Variants in GNG7 observed in about 807,000 individuals in gnomAD.
GNG7 encodes G protein subunit gamma 7.
Under a neutral mutation model 4.0 loss-of-function variants are expected in GNG7, and 1 was observed. The ratio of observed to expected loss-of-function variants is 0.25; its 90% CI spans 0.09 to 1.18. GNG7 has a LOEUF of 1.18. Ranked by LOEUF, GNG7 falls within the 50% of genes most tolerant of loss-of-function variation. The probability of loss-of-function intolerance (pLI) is 0.50; values close to 1 mark genes in which losing one functional copy is unlikely to be tolerated. For synonymous variants in GNG7, 34 were observed against 36.9 expected (o/e 0.92, Z 0.29); for missense variants, 86 against 91.9 (o/e 0.94, Z 0.26).
chr19:2,553,476 T>C (rs1979407729), intron 3 of GNG7, among the ~76,000 whole-genome samples: 1 of 147,134 alleles, frequency 6.8e-6, no homozygotes, highest in Admixed American at 6.9e-5. Flanking sequence ...ATATATTATA[T>C]ACTATATATT....
rs2144829431 is a variant in GNG7, at chr19:2,618,119, T to C, written c.-78+28105A>G. On this transcript the variant is annotated intron_variant, in intron 2 of 4. Transcript: ENST00000382159. This position sits in a 1 kb window ranked among gnomAD's most constrained non-coding sequence, Gnocchi z 5.1. ...GGACTTGATTCCACCTGTATCAGGCTGGGCCCCCAGCACCTAGGCTGTCCC... is the reference window on the plus strand; with the variant it reads ...GGACTTGATTCCACCTGTATCAGGCCGGGCCCCCAGCACCTAGGCTGTCCC... 6.6e-6 allele frequency among the ~76,000 whole-genome samples: 1 copy of C among 152,312 alleles called. No homozygotes were observed. The highest frequency in any genetic ancestry group is 3.4e-3 in the Middle Eastern group (1 of 294).
intron 2 of GNG7, among the ~76,000 whole-genome samples, chr19:2,586,076 G>T (rs527978590): frequency 6.6e-6 from 1 of 152,280 alleles, no homozygotes; most frequent in East Asian, 1.9e-4. Flanking sequence ...TCAGCAACAA[G>T]CCAGTGTTAC....
At chr19:2,602,721 C>T (rs1040244969) in intron 2 of GNG7, among the ~76,000 whole-genome samples, 4 of 152,308 alleles carry the variant, frequency 2.6e-5, no homozygotes, top group South Asian at 4.1e-4. Context: ...AAGCCAATCT[C>T]GGGCTGGGCA....
At chr19:2,525,745 C>T (rs1978370861) in intron 3 of GNG7, among the ~76,000 whole-genome samples, 1 of 152,142 alleles carries the variant, frequency 6.6e-6, no homozygotes, top group Non-Finnish European at 1.5e-5. Context: ...TAAAAATCTA[C>T]ATATAGAAAG....
At position 2,626,384 on chromosome 19, in the gene GNG7, A is replaced by G. The variant is rs948006295; in HGVS notation, c.-78+19840T>C. On this transcript the variant is annotated intron_variant, in intron 2 of 4. Coordinates refer to ENST00000382159, the MANE Select transcript of GNG7 (RefSeq NM_052847.3). The surrounding 1 kb of genome is among the most constrained non-coding windows in gnomAD (Gnocchi z 5.0). ...CTAATCTGTCACACAGGGAGGCTGG[A>G]CCCAAACCAATTGATTGTTGTCATG... 6.6e-6 allele frequency among the ~76,000 whole-genome samples: 1 copy of G among 152,028 alleles called. No individual in the cohort carries two copies. The highest frequency in any genetic ancestry group is 2.4e-5 in the African/African-American group (1 of 41,378).
chr19:2,651,240 CTTCCT>C lies in GNG7; in HGVS notation c.-134-4965_-134-4961del, dbSNP rs1311673190. On this transcript the variant is annotated intron_variant, in intron 1 of 4. Transcript: ENST00000382159. Reference sequence around the variant, plus strand: ...TCTGTCCGACTTCCTTCCTTCCTTCCTTCCTTTCCTTCCTTCCTTCCTTCCTTCCT... The same window carrying C: ...TCTGTCCGACTTCCTTCCTTCCTTCCTTCCTTCCTTCCTTCCTTCCTTCCT... Among the ~76,000 whole-genome samples the C allele has an allele frequency of 5.2e-4, 48 of 91,928 alleles. 1 individual carries two copies. The highest frequency in any genetic ancestry group is 8.2e-4 in the African/African-American group (27 of 32,806). 60.3% of individuals were successfully genotyped at this position (91,928 alleles called of 152,430 possible).
chr19:2,618,745 T>C lies in GNG7; in HGVS notation c.-78+27479A>G, dbSNP rs1047044958. Among the ~76,000 whole-genome samples, 1 of 152,144 alleles carries C rather than the reference T, an allele frequency of 6.6e-6. No individual in the cohort carries two copies. Among genetic ancestry groups the C allele is most frequent in the Non-Finnish European group, 1.5e-5 (1 of 68,028 alleles). On this transcript the variant is annotated intron_variant, in intron 2 of 4. Coordinates refer to ENST00000382159, the MANE Select transcript of GNG7 (RefSeq NM_052847.3). This position sits in a 1 kb window ranked among gnomAD's most constrained non-coding sequence, Gnocchi z 5.1. ...GAGTCCCCGCCCACGCCTCACCAGCTTCCTCTTCAGGGGCCACCCTGTGTA... is the reference window on the plus strand; with the variant it reads ...GAGTCCCCGCCCACGCCTCACCAGCCTCCTCTTCAGGGGCCACCCTGTGTA...
intron 1 of GNG7, among the ~76,000 whole-genome samples, chr19:2,657,101 A>C (rs1285529223): frequency 6.6e-6 from 1 of 151,582 alleles, no homozygotes; most frequent in East Asian, 1.9e-4. Context: ...TGGGAGGTCT[A>C]GGAGGACAGA....
intron 3 of GNG7, among the ~76,000 whole-genome samples, chr19:2,541,752 A>C (rs1357580534): frequency 6.6e-6 from 1 of 151,668 alleles, no homozygotes; most frequent in Non-Finnish European, 1.5e-5. Context: ...AAAAAAAAAA[A>C]AAAATTAAAA....
chr19:2,572,780 A>G (rs762475416), intron 2 of GNG7, among the ~76,000 whole-genome samples: 1 of 151,148 alleles, frequency 6.6e-6, no homozygotes, highest in Non-Finnish European at 1.5e-5. Flanking sequence ...CTTTTCTTCT[A>G]GAGATGGGGT....
chr19:2,518,781 G>T (rs1280793225), intron 4 of GNG7, among the ~76,000 whole-genome samples: 1 of 152,010 alleles, frequency 6.6e-6, no homozygotes, highest in Non-Finnish European at 1.5e-5. Context: ...CCAGGGTTTG[G>T]TTAAATGTTT....
At position 2,633,414 on chromosome 19, in the gene GNG7, G is replaced by A. The variant is rs887653898; in HGVS notation, c.-78+12810C>T. On this transcript the variant is annotated intron_variant, in intron 2 of 4. Coordinates refer to ENST00000382159, the MANE Select transcript of GNG7 (RefSeq NM_052847.3). The surrounding 1 kb of genome is among the most constrained non-coding windows in gnomAD (Gnocchi z 5.9). The stretch of plus-strand genomic sequence containing the variant: ...GATGAATCTGCCGATGACCAAGTTG[G>A]TGCCTCATCCCTCGTTCTGTGGGAG... Among the ~76,000 whole-genome samples the A allele has an allele frequency of 1.3e-5, 2 of 152,060 alleles. No homozygotes were observed. Among genetic ancestry groups the A allele is most frequent in the Non-Finnish European group, 2.9e-5 (2 of 67,998 alleles).
chr19:2,564,181 C>T (rs1253764988), intron 2 of GNG7, among the ~76,000 whole-genome samples: 1 of 152,148 alleles, frequency 6.6e-6, no homozygotes, highest in East Asian at 1.9e-4. Context: ...GTAACCTTCT[C>T]AGAGATGGGG....
At chr19:2,689,916 A>G (rs1003267550) in intron 1 of GNG7, among the ~76,000 whole-genome samples, 1 of 152,170 alleles carries the variant, frequency 6.6e-6, no homozygotes, top group Non-Finnish European at 1.5e-5. Context: ...ACTTAACTAC[A>G]CCATGGTAGC....
At chr19:2,659,071 G>A (rs538232958) in intron 1 of GNG7, among the ~76,000 whole-genome samples, 1 of 151,742 alleles carries the variant, frequency 6.6e-6, no homozygotes, top group East Asian at 2.0e-4. Flanking sequence ...CCGGGTTCAT[G>A]CCATTCTCCT....
At position 2,512,212 on chromosome 19, in the gene GNG7, C is replaced by G. The variant is rs1211544028; in HGVS notation, c.*2810G>C. The G allele has an allele frequency of 7.1e-6, 7 of 985,742 alleles. No homozygotes were observed. The South Asian group carries it at 1.4e-4, about 20-fold the overall frequency. 61.1% of individuals were successfully genotyped at this position (985,742 alleles called of 1,614,324 possible). On this transcript the variant is annotated 3_prime_UTR_variant, in exon 5 of 5. Transcript: ENST00000382159. This position sits in a 1 kb window ranked among gnomAD's most constrained non-coding sequence, Gnocchi z 4.7. ...CCAGCTCCCCGTCTGGAGGTGCACG[C>G]GCGCTCCTGGAAACGCCCATAAAAC...
intron 2 of GNG7, among the ~76,000 whole-genome samples, chr19:2,595,699 C>T (rs951935734): frequency 2.0e-5 from 3 of 148,828 alleles, no homozygotes; most frequent in African/African-American, 7.4e-5. Flanking sequence ...CGCACCACTG[C>T]ACTCCAGCCT....
At chr19:2,687,047 T>C (rs1044338843) in intron 1 of GNG7, among the ~76,000 whole-genome samples, 7 of 148,528 alleles carry the variant, frequency 4.7e-5, no homozygotes, top group South Asian at 2.1e-4. Context: ...CCACCGCGCC[T>C]GGCCACTTTT....
At chr19:2,516,565 C>T (rs933382483) in intron 4 of GNG7, among the ~76,000 whole-genome samples, 3 of 152,238 alleles carry the variant, frequency 2.0e-5, no homozygotes, top group Non-Finnish European at 2.9e-5. Flanking sequence ...GAGCTTCCTT[C>T]AGCAAGCGTT....
Sources: allele counts gnomAD v4.1 joint callset (sites outside exome capture counted in the v4.1 genomes callset), GRCh38; gene constraint gnomAD v4.1.1; non-coding constraint Gnocchi (gnomAD v3.1); transcripts MANE v1.5; gene names NCBI Gene and HGNC (gene_info 2026-07-23, HGNC 2026-07-21).